Variants in SPATA7 observed in about 807,000 individuals in gnomAD.
The protein encoded by SPATA7 is spermatogenesis associated 7, also known as spermatogenesis-associated protein 7.
SPATA7 carries 43 observed loss-of-function variants against 51.8 expected under a neutral mutation model. The observed-to-expected ratio is 0.83, with a 90% CI of 0.65 to 1.07. The LOEUF is 1.07. Ranked by LOEUF, SPATA7 falls within the 50% of genes least tolerant of loss-of-function variation. The pLI is 0.00. For synonymous variants in SPATA7, 230 were observed against 252.8 expected, an observed-to-expected ratio of 0.91 and a Z score of 0.86; for missense variants, 683 against 701.3, an observed-to-expected ratio of 0.97 and a Z score of 0.30.
At chr14:88,446,095 G>A (rs1393364886) in intron 3 of SPATA7, among the ~76,000 whole-genome samples, 1 of 152,084 alleles carries the variant, frequency 6.6e-6, no homozygotes, top group Non-Finnish European at 1.5e-5. Flanking sequence ...GGTAGAATTC[G>A]GCTGTGAATC....
chr14:88,437,667 C>T, intron 11 of SPATA7, 70 bp downstream of exon 11: 5 of 1,408,724 alleles, frequency 3.5e-6, no homozygotes, highest in Non-Finnish European at 4.9e-6. Flanking sequence ...TTTTTCATAC[C>T]TTCAAACAAT....
At chr14:88,403,034 A>G (rs1458789690) in intron 4 of SPATA7, among the ~76,000 whole-genome samples, 2 of 151,988 alleles carry the variant, frequency 1.3e-5, no homozygotes, top group African/African-American at 2.4e-5. Flanking sequence ...GACATTCTCA[A>G]AGGAAGACAT....
chr14:88,434,625 G>T (rs2077029923), intron 10 of SPATA7, among the ~76,000 whole-genome samples: 2 of 151,314 alleles, frequency 1.3e-5, no homozygotes, highest in Admixed American at 1.3e-4. Flanking sequence ...GGCGGAGGTT[G>T]CAGTGAGCTG....
Position 88,469,928 on chromosome 14 carries a change from T to G in SPATA7, c.*61T>G, listed in dbSNP as rs1165931955. On this transcript the variant is annotated 3_prime_UTR_variant, in exon 5 of 5. Coordinates refer to the SPATA7 transcript ENST00000556406. This position sits in a 1 kb window ranked among gnomAD's most constrained non-coding sequence, Gnocchi z 4.3. ...AAGAGAAATAAGTACCTACCTCTTC[T>G]GCTGTCACCATTGCTATAATTGCAA... The G allele has an allele frequency of 2.5e-6, 4 of 1,614,110 alleles. No individual in the cohort carries two copies. Among genetic ancestry groups the G allele is most frequent in the Non-Finnish European group, 1.7e-6 (2 of 1,180,022 alleles).
intron 4 of SPATA7, chr14:88,468,047 G>A: frequency 6.8e-7 from 1 of 1,481,300 alleles, no homozygotes; most frequent in Non-Finnish European, 9.4e-7. Flanking sequence ...CGTGGATCAA[G>A]TGTCAACGGG....
chr14:88,433,342 G>A, intron 10 of SPATA7, 130 bp downstream of exon 10: 1 of 667,952 alleles, frequency 1.5e-6, no homozygotes, highest in Non-Finnish European at 2.5e-6. Flanking sequence ...TGCTTTCTTG[G>A]AAACTTATTA....
chr14:88,399,971 T>G (rs1028085564), intron 4 of SPATA7, among the ~76,000 whole-genome samples: 1 of 152,150 alleles, frequency 6.6e-6, no homozygotes, highest in African/African-American at 2.4e-5. Context: ...AACAACATAA[T>G]AGACCAAAGG....
At chr14:88,459,249 A>G (rs2077302619), downstream of SPATA7, among the ~76,000 whole-genome samples, 1 of 152,202 alleles carries the variant, frequency 6.6e-6, no homozygotes, top group Non-Finnish European at 1.5e-5. Context: ...TGCTTGGTGC[A>G]GAGCTGAGTT....
Position 88,451,827 on chromosome 14 carries a change from A to T in SPATA7, c.178-3233A>T, listed in dbSNP as rs114385357. Among the ~76,000 whole-genome samples, 841 of 152,088 alleles carry T rather than the reference A, an allele frequency of 5.5e-3. 6 individuals carry two copies. Among genetic ancestry groups the T allele is most frequent in the African/African-American group, 0.02 (813 of 41,494 alleles). ...GGTGTGAGCCGCTACACCTGGCCCTATATCATTTTTTTTATTTCTTTAAGT... is the reference window on the plus strand; with the variant it reads ...GGTGTGAGCCGCTACACCTGGCCCTTTATCATTTTTTTTATTTCTTTAAGT... On this transcript the variant is annotated intron_variant, in intron 3 of 3. Coordinates refer to the SPATA7 transcript ENST00000554802.
intron 5 of SPATA7, among the ~76,000 whole-genome samples, chr14:88,425,602 T>C (rs1169436861): frequency 2.0e-5 from 3 of 152,032 alleles, no homozygotes; most frequent in African/African-American, 7.2e-5. Context: ...TTTCCTAAAG[T>C]AAAGCCAAAA....
intron 10 of SPATA7, among the ~76,000 whole-genome samples, chr14:88,435,046 C>T (rs936851855): frequency 2.6e-5 from 4 of 152,186 alleles, no homozygotes; most frequent in African/African-American, 9.7e-5. Context: ...CCAGACACAT[C>T]TGGGTTAAAT....
chr14:88,398,218 T>G (rs930436687), intron 4 of SPATA7, among the ~76,000 whole-genome samples: 1 of 151,872 alleles, frequency 6.6e-6, no homozygotes, highest in Admixed American at 6.6e-5. Context: ...AGCAAAGACT[T>G]GGAACCAACC....
At chr14:88,457,556 G>T (rs1415551408), downstream of SPATA7, among the ~76,000 whole-genome samples, 4 of 152,156 alleles carry the variant, frequency 2.6e-5, no homozygotes, top group East Asian at 7.7e-4. Flanking sequence ...GAATGCTTGT[G>T]ATTTTTTGCA....
chr14:88,446,696 T>C (rs906002375), intron 3 of SPATA7, among the ~76,000 whole-genome samples: 4 of 152,210 alleles, frequency 2.6e-5, no homozygotes, highest in Admixed American at 6.5e-5. Flanking sequence ...TTTGTTCTCG[T>C]TGGTTTCAAA....
Position 88,469,674 on chromosome 14 carries a change from A to G in SPATA7, c.255-173A>G, listed in dbSNP as rs1018675016. 1.2e-6 allele frequency: 2 copies of G among 1,614,034 alleles called. No homozygotes were observed. Among genetic ancestry groups the G allele is most frequent in the Non-Finnish European group, 1.7e-6 (2 of 1,180,044 alleles). ...TGATCTTAAACCTTCCATAGGTGAC[A>G]GTGTTGTGCCTGGAACCAAGTCGTG... On this transcript the variant is annotated intron_variant, in intron 4 of 4. Transcript: ENST00000556406. The surrounding 1 kb of genome is among the most constrained non-coding windows in gnomAD (Gnocchi z 4.3).
chr14:88,398,640 T>TA (rs35109199), intron 4 of SPATA7, among the ~76,000 whole-genome samples: 127,118 of 151,932 alleles, frequency 0.84, 54,276 homozygotes, highest in Non-Finnish European at 0.91. Flanking sequence ...AATAAAATTT[T>TA]AAAAAAAGAT....
intron 4 of SPATA7, among the ~76,000 whole-genome samples, chr14:88,405,979 A>T (rs2076189569): frequency 6.6e-6 from 1 of 152,214 alleles, no homozygotes; most frequent in South Asian, 2.1e-4. Context: ...TTGCTACATA[A>T]ACCAAATTGT....
chr14:88,434,600 G>A (rs10047951), intron 10 of SPATA7, among the ~76,000 whole-genome samples: 2,512 of 151,120 alleles, frequency 0.017, 58 homozygotes, highest in African/African-American at 0.058. Flanking sequence ...CAGGAGAATC[G>A]CTTGAACCCC....
downstream of SPATA7, among the ~76,000 whole-genome samples, chr14:88,440,190 G>C (rs1472904684): frequency 2.0e-5 from 3 of 152,098 alleles, no homozygotes; most frequent in Non-Finnish European, 4.4e-5. Context: ...CTTGGCTGGA[G>C]CTACCATCTG....
Sources: allele counts gnomAD v4.1 joint callset (sites outside exome capture counted in the v4.1 genomes callset), GRCh38; gene constraint gnomAD v4.1.1; non-coding constraint Gnocchi (gnomAD v3.1); transcripts MANE v1.5; gene names NCBI Gene and HGNC (gene_info 2026-07-23, HGNC 2026-07-21).